The following CHCHD6 variants were observed in gnomAD, a reference collection of about 807,000 sequenced individuals.
CHCHD6 encodes the protein MICOS complex subunit MIC25.
CHCHD6 carries 28 observed loss-of-function variants against 32.3 expected under a neutral mutation model. That is an observed-to-expected ratio of 0.87 (90% CI 0.64 to 1.19). CHCHD6 has a LOEUF of 1.19. Among genes scored for constraint, CHCHD6 ranks in the 50% most tolerant of loss-of-function variants. The pLI, the probability that CHCHD6 is intolerant of heterozygous loss-of-function variation, is 0.00. For missense variants in CHCHD6, 333 were observed against 307.0 expected (o/e 1.08, Z -0.63); for synonymous variants, 122 against 117.5 (o/e 1.04, Z -0.25).
At chr3:126,836,207 C>T (rs1231537643) in intron 4 of CHCHD6, among the ~76,000 whole-genome samples, 3 of 152,358 alleles carry the variant, frequency 2.0e-5, no homozygotes, top group Admixed American at 6.5e-5. Context: ...TTTCATGCTG[C>T]GTCTCACCAC....
intron 4 of CHCHD6, among the ~76,000 whole-genome samples, chr3:126,744,320 C>T (rs1266590465): frequency 6.6e-6 from 1 of 152,228 alleles, no homozygotes; most frequent in African/African-American, 2.4e-5. Context: ...ATTTGTCAAG[C>T]CGATTGTGTT....
At chr3:126,745,714 G>A (rs1345854506) in intron 4 of CHCHD6, among the ~76,000 whole-genome samples, 1 of 152,150 alleles carries the variant, frequency 6.6e-6, no homozygotes, top group African/African-American at 2.4e-5. Context: ...TCCCCACCAG[G>A]TAGCCTTAAT....
chr3:126,859,364 G>C (rs1449030060), intron 5 of CHCHD6, among the ~76,000 whole-genome samples: 1 of 152,212 alleles, frequency 6.6e-6, no homozygotes, highest in Non-Finnish European at 1.5e-5. Flanking sequence ...AGGTGGTACA[G>C]CTGGGAAAAC....
chr3:126,848,793 C>T (rs1282927297), intron 4 of CHCHD6, among the ~76,000 whole-genome samples: 1 of 152,094 alleles, frequency 6.6e-6, no homozygotes, highest in African/African-American at 2.4e-5. Context: ...TTTTGAAATC[C>T]TTTGTCATAT....
At chr3:126,806,797 C>T (rs936101130) in intron 4 of CHCHD6, among the ~76,000 whole-genome samples, 26 of 151,916 alleles carry the variant, frequency 1.7e-4, no homozygotes, top group East Asian at 9.7e-4. Context: ...TGGAACCAAC[C>T]CAAATGTCCA....
intron 4 of CHCHD6, among the ~76,000 whole-genome samples, chr3:126,749,996 C>T (rs112204806): frequency 0.016 from 2,448 of 152,320 alleles, 59 homozygotes; most frequent in African/African-American, 0.053. Context: ...GACGTCTGTT[C>T]AGGACCTCTG....
rs370011171 is a variant in CHCHD6, at chr3:126,730,806, T to C, written c.266+176T>C. On this transcript the variant is annotated intron_variant, in intron 3 of 7. Transcript: ENST00000290913. ...TATCACTGGTCCTAGTTTAAAGATG[T>C]AGAAACACCAAAAGGGGCATAGGGG... Among the ~76,000 whole-genome samples the C allele has an allele frequency of 2.9e-4, 44 of 152,218 alleles. No individual in the cohort carries two copies. The South Asian group carries it at 8.7e-3, about 30-fold the overall frequency.
At chr3:126,870,704 A>G (rs372120522) in intron 5 of CHCHD6, among the ~76,000 whole-genome samples, 1 of 152,168 alleles carries the variant, frequency 6.6e-6, no homozygotes, top group Non-Finnish European at 1.5e-5. Flanking sequence ...GAGCACAGGG[A>G]CTTCACTATG....
chr3:126,838,491 G>C (rs1940950669), intron 4 of CHCHD6, among the ~76,000 whole-genome samples: 1 of 152,176 alleles, frequency 6.6e-6, no homozygotes, highest in Non-Finnish European at 1.5e-5. Flanking sequence ...GCCTCAGCAG[G>C]ACCCATTTGA....
chr3:126,889,768 G>A (rs1230976664), intron 5 of CHCHD6, among the ~76,000 whole-genome samples: 1 of 152,262 alleles, frequency 6.6e-6, no homozygotes, highest in African/African-American at 2.4e-5. Flanking sequence ...CTCCGTGAGT[G>A]TCAGGAATAT....
At chr3:126,847,757 T>C (rs1426091626) in intron 4 of CHCHD6, among the ~76,000 whole-genome samples, 1 of 152,026 alleles carries the variant, frequency 6.6e-6, no homozygotes, top group Non-Finnish European at 1.5e-5. Context: ...CTCTCCCCCT[T>C]TCCCACTTTC....
intron 6 of CHCHD6, among the ~76,000 whole-genome samples, chr3:126,924,879 G>T (rs944523006): frequency 2.0e-5 from 3 of 152,172 alleles, no homozygotes; most frequent in South Asian, 2.1e-4. Context: ...AGCTGAGGTC[G>T]CAGGAAAGGT....
intron 4 of CHCHD6, among the ~76,000 whole-genome samples, chr3:126,843,200 CT>C (rs1232765660): frequency 2.0e-5 from 3 of 152,132 alleles, no homozygotes; most frequent in African/African-American, 7.2e-5. Flanking sequence ...TCTTCTTATT[CT>C]TTTTTAATGT....
chr3:126,957,098 TC>T, intron 6 of CHCHD6: 1 of 418,514 alleles, frequency 2.4e-6, no homozygotes, highest in Non-Finnish European at 4.4e-6. Context: ...ATGGGGGCCC[TC>T]CAGTGGGGCT....
chr3:126,923,899 A>C (rs997981205), intron 6 of CHCHD6, among the ~76,000 whole-genome samples: 1 of 152,226 alleles, frequency 6.6e-6, no homozygotes, highest in African/African-American at 2.4e-5. Context: ...AGAGTGTATC[A>C]GTGACTGAAC....
intron 5 of CHCHD6, among the ~76,000 whole-genome samples, chr3:126,879,012 G>A (rs2107571902): frequency 6.6e-6 from 1 of 152,358 alleles, no homozygotes; most frequent in East Asian, 1.9e-4. Flanking sequence ...GATGCTGGCT[G>A]TCGGTTGGGA....
intron 4 of CHCHD6, among the ~76,000 whole-genome samples, chr3:126,817,847 C>G (rs1939974771): frequency 6.7e-6 from 1 of 148,452 alleles, no homozygotes. Flanking sequence ...TTCTTCTTAC[C>G]CCTTCTTCTT....
chr3:126,901,138 G>A (rs74564167), intron 5 of CHCHD6, among the ~76,000 whole-genome samples: 1,815 of 152,320 alleles, frequency 0.012, 19 homozygotes, highest in Middle Eastern at 0.048. Flanking sequence ...ACAGGGGCAA[G>A]TGGTGATGCA....
chr3:126,863,565 CACCA>C (rs1942062472), intron 5 of CHCHD6, among the ~76,000 whole-genome samples: 1 of 132,674 alleles, frequency 7.5e-6, no homozygotes, highest in African/African-American at 3.3e-5. Flanking sequence ...CCTCCTCCTC[CACCA>C]TCACCACCTC....
Sources: allele counts gnomAD v4.1 joint callset (sites outside exome capture counted in the v4.1 genomes callset), GRCh38; gene constraint gnomAD v4.1.1; transcripts MANE v1.5; gene names NCBI Gene and HGNC (gene_info 2026-07-23, HGNC 2026-07-21).